The following TTLL4 variants were observed in gnomAD, a reference collection of about 807,000 sequenced individuals.
The protein encoded by TTLL4 is tubulin monoglutamylase TTLL4.
A neutral mutation model predicts 122.7 loss-of-function variants in TTLL4; 85 were observed. The ratio of observed to expected loss-of-function variants is 0.69; its 90% confidence interval spans 0.58 to 0.83. TTLL4 has a LOEUF of 0.83. Ranked by LOEUF, TTLL4 falls within the 40% of genes least tolerant of loss-of-function variation. The pLI is 0.00. For synonymous variants in TTLL4, 553 were observed against 563.0 expected, an observed-to-expected ratio of 0.98 and a Z score of 0.25; for missense variants, 1,363 against 1,488.6, an observed-to-expected ratio of 0.92 and a Z score of 1.39.
chr2:218,729,747 T>TAAAAAAAA (rs1559361797), intron 2 of TTLL4, among the ~76,000 whole-genome samples: 1 of 93,574 alleles, frequency 1.1e-5, no homozygotes, highest in South Asian at 2.7e-4. Context: ...CTCTCTCTTT[T>TAAAAAAAA]TAAAAAAAAA....
chr2:218,735,543 C>CA lies in TTLL4; in HGVS notation c.-98-2035dup, dbSNP rs1346586493. ...GAGCCATGTTTGTGCCACTGCATTC[C>CA]AGTTTGGGTGACAGAGCAAGACCCT... On this transcript the variant is annotated intron_variant, in intron 2 of 19. Transcript: ENST00000392102. 2.0e-5 allele frequency among the ~76,000 whole-genome samples: 3 copies of CA among 152,264 alleles called. No homozygotes were observed. The East Asian group carries it at 5.8e-4, about 29-fold the overall frequency.
rs1219475958 is a variant in TTLL4 at position 218,738,799 on chromosome 2, A to G, written c.1123A>G (p.Arg375Gly). 1.4e-5 allele frequency: 22 copies of G among 1,614,232 alleles called. No homozygotes were observed. Among genetic ancestry groups the G allele is most frequent in the Non-Finnish European group, 1.9e-5 (22 of 1,180,036 alleles). Residue 375 changes from arginine (R) to glycine (G), a missense_variant, in exon 3 of 20, where the codon AGG becomes GGG. By Grantham distance (125) the Arg-to-Gly change is moderately radical (BLOSUM62 -2). This residue lies in a region of TTLL4 where 760 missense variants were observed against 808.4 expected (regional missense o/e 0.94). Coordinates refer to ENST00000392102, the MANE Select transcript of TTLL4 (RefSeq NM_014640.5). ...CAGCTTCCAGTGGAATGTCCTCAAC[A>G]GGAGCAGGCGGTGGAAACCTCCTGC... ...NPSFQWNVLN[R>G]SRRWKPPAVN...
At chr2:218,722,599 C>G (rs978042772) in intron 1 of TTLL4, among the ~76,000 whole-genome samples, 1 of 152,108 alleles carries the variant, frequency 6.6e-6, no homozygotes, top group Admixed American at 6.5e-5. Flanking sequence ...GGGAACGTTC[C>G]TCATGAGAGG....
Position 218,712,939 on chromosome 2 carries a change from A to T in TTLL4, c.-178+1902A>T, listed in dbSNP as rs536906521. ...CGTGTAAACTGTATTCTTTGTTAAG[A>T]TATTCTGAAAAGAACACAACAGTTA... On this transcript the variant is annotated intron_variant, in intron 1 of 19. Coordinates refer to ENST00000392102, the MANE Select transcript of TTLL4 (RefSeq NM_014640.5). Among the ~76,000 whole-genome samples the T allele has an allele frequency of 9.7e-4, 148 of 152,346 alleles. 1 individual carries two copies. Among genetic ancestry groups the T allele is most frequent in the Non-Finnish European group, 1.9e-3 (128 of 68,038 alleles).
At chr2:218,745,074 C>T in intron 5 of TTLL4, 35 bp from the exon 6 acceptor site, 1 of 1,609,896 alleles carries the variant, frequency 6.2e-7, no homozygotes, top group South Asian at 1.1e-5. Flanking sequence ...GTTGCTTTTT[C>T]CCTTTCTCTA....
Position 218,738,223 on chromosome 2 carries a change from C to T in TTLL4, c.547C>T (p.Leu183Phe), listed in dbSNP as rs561790985. Residue 183 changes from leucine (L) to phenylalanine (F), a missense_variant, in exon 3 of 20, where the codon CTC becomes TTC. This residue lies in a region of TTLL4 where 760 missense variants were observed against 808.4 expected (regional missense o/e 0.94). Coordinates refer to ENST00000392102, the MANE Select transcript of TTLL4 (RefSeq NM_014640.5). The stretch of plus-strand genomic sequence containing the variant: ...GGCCTCCTCATCCACAGAACCATAC[C>T]TCTGCTTGGCAGCGGCTGGGGAAAA... ...PMASSSTEPY[L>F]CLAAAGENPS... 1.1e-5 allele frequency: 18 copies of T among 1,614,112 alleles called. 1 individual carries two copies. The South Asian group carries it at 1.9e-4, about 17-fold the overall frequency.
intron 2 of TTLL4, among the ~76,000 whole-genome samples, chr2:218,734,939 T>C (rs1243466428): frequency 1.3e-5 from 2 of 152,344 alleles, no homozygotes; most frequent in Non-Finnish European, 2.9e-5. Flanking sequence ...TTTGGATTTG[T>C]GTGGTGGTCC....
chr2:218,747,017 A>C lies in TTLL4; in HGVS notation c.1989A>C (p.Pro663=). 1 of 1,614,096 alleles carries C rather than the reference A, an allele frequency of 6.2e-7. No individual in the cohort carries two copies. The change falls in exon 9 of 20, where the codon CCA becomes CCC. Residue 663 remains proline (P), a synonymous_variant. Transcript: ENST00000392102. This position sits in a 1 kb window ranked among gnomAD's most constrained non-coding sequence, Gnocchi z 4.7. ...CCCTTTTGTAGCTAAACCATTTCCCAGGCTCATTCCAGATTGGGAGGAAGG... is the reference window on the plus strand; with the variant it reads ...CCCTTTTGTAGCTAAACCATTTCCCCGGCTCATTCCAGATTGGGAGGAAGG... ...IREHQKLNHF[P]GSFQIGRKDR...
chr2:218,747,775 T>G lies in TTLL4; in HGVS notation c.2378+50T>G. 3 of 1,606,776 alleles carry G rather than the reference T, an allele frequency of 1.9e-6. No homozygotes were observed. The African/African-American group carries it at 4.0e-5, about 21-fold the overall frequency. The stretch of plus-strand genomic sequence containing the variant: ...TCTGACAATATTGGGGATTTTATTT[T>G]CCTTGGAGGGAGGGAAACTAGAAGA... On this transcript the variant is annotated intron_variant, in intron 11 of 19. Coordinates refer to ENST00000392102, the MANE Select transcript of TTLL4 (RefSeq NM_014640.5). The surrounding 1 kb of genome is among the most constrained non-coding windows in gnomAD (Gnocchi z 4.7).
downstream of TTLL4, among the ~76,000 whole-genome samples, chr2:218,759,407 A>G (rs1194286010): frequency 1.3e-5 from 2 of 152,360 alleles, no homozygotes; most frequent in Middle Eastern, 3.4e-3. Context: ...AAATAGAAAT[A>G]AAAAAGGAAT....
chr2:218,752,131 C>T (rs1220611697), intron 16 of TTLL4, among the ~76,000 whole-genome samples: 1 of 152,116 alleles, frequency 6.6e-6, no homozygotes, highest in Non-Finnish European at 1.5e-5. Context: ...TGGTCTCAAC[C>T]TCCCAACCTC....
Position 218,737,259 on chromosome 2 carries a change from A to C in TTLL4, c.-98-320A>C, listed in dbSNP as rs529961925. Among the ~76,000 whole-genome samples, 83 of 152,276 alleles carry C rather than the reference A, an allele frequency of 5.5e-4. No homozygotes were observed. In the Middle Eastern group the frequency reaches 0.014, roughly 25 times the overall value. On this transcript the variant is annotated intron_variant, in intron 2 of 19. Coordinates refer to ENST00000392102, the MANE Select transcript of TTLL4 (RefSeq NM_014640.5). The stretch of plus-strand genomic sequence containing the variant: ...CATGGAAAGTTGTGGGCGGTGAGAC[A>C]GAAAGATGTATTTTTTGTTGGAGAG...
chr2:218,745,491 T>A (rs746763135), intron 6 of TTLL4, 200 bp from the exon 7 acceptor site: 34 of 635,334 alleles, frequency 5.4e-5, no homozygotes, highest in Non-Finnish European at 8.3e-5. Flanking sequence ...CCTTTCAGTC[T>A]TCCCTTTCTT....
chr2:218,748,537 C>T, intron 12 of TTLL4: 1 of 438,936 alleles, frequency 2.3e-6, no homozygotes, highest in Non-Finnish European at 4.1e-6. Context: ...CGCCTACAAT[C>T]CCAGCTGCTC....
At chr2:218,723,630 T>A (rs1167565887) in intron 1 of TTLL4, among the ~76,000 whole-genome samples, 2 of 152,198 alleles carry the variant, frequency 1.3e-5, no homozygotes, top group East Asian at 3.8e-4. Flanking sequence ...GTGCATCATA[T>A]CATGAAGCAC....
intron 8 of TTLL4, 178 bp downstream of exon 8, chr2:218,746,409 T>C: frequency 3.1e-6 from 2 of 635,284 alleles, no homozygotes; most frequent in Non-Finnish European, 5.5e-6. Flanking sequence ...GTGGATCACG[T>C]ACATCTCCAG....
downstream of TTLL4, among the ~76,000 whole-genome samples, chr2:218,759,613 CTG>C (rs1002550784): frequency 1.3e-5 from 2 of 152,122 alleles, no homozygotes; most frequent in African/African-American, 2.4e-5. Flanking sequence ...TGTATCTTGA[CTG>C]TGGTGGTGGA....
Position 218,747,888 on chromosome 2 carries a change from G to T in TTLL4, c.2378+163G>T. 1 of 1,188,432 alleles carries T rather than the reference G, an allele frequency of 8.4e-7. No individual in the cohort carries two copies. Among genetic ancestry groups the T allele is most frequent in the African/African-American group, 1.5e-5 (1 of 65,600 alleles). The allele number at this position is 1,188,432 out of a possible 1,614,324, so 73.6% of individuals were successfully genotyped here. ...CTCTCTACTTCGTTAAATCTGGGGA[G>T]GGTCTTCCTGCATGCGGGACTGAGG... On this transcript the variant is annotated intron_variant, in intron 11 of 19. Coordinates refer to ENST00000392102, the MANE Select transcript of TTLL4 (RefSeq NM_014640.5). The surrounding 1 kb of genome is among the most constrained non-coding windows in gnomAD (Gnocchi z 4.7).
At chr2:218,741,777 C>T (rs1942708037) in intron 5 of TTLL4, among the ~76,000 whole-genome samples, 1 of 152,030 alleles carries the variant, frequency 6.6e-6, no homozygotes, top group Non-Finnish European at 1.5e-5. Flanking sequence ...GGAGTCCTAC[C>T]TTTTTTACAC....
Sources: allele counts gnomAD v4.1 joint callset (sites outside exome capture counted in the v4.1 genomes callset), GRCh38; gene constraint gnomAD v4.1.1; regional missense constraint gnomAD v4.1.1; non-coding constraint Gnocchi (gnomAD v3.1); transcripts MANE v1.5; gene names NCBI Gene and HGNC (gene_info 2026-07-23, HGNC 2026-07-21).